LMTK3: variants seen among roughly 807,000 people sequenced by gnomAD.
LMTK3 encodes serine/threonine-protein kinase LMTK3.
In LMTK3, 27 loss-of-function variants were observed where a neutral mutation model predicts 116.7. The ratio of observed to expected loss-of-function variants is 0.23; its 90% CI spans 0.17 to 0.32. The LOEUF (loss-of-function observed/expected upper bound fraction) is 0.32, where lower values mean the gene tolerates loss of function less well. Among genes scored for constraint, LMTK3 ranks in the 10% least tolerant of loss-of-function variants. The pLI, the probability that LMTK3 is intolerant of heterozygous loss-of-function variation, is 1.00. For synonymous variants in LMTK3, 965 were observed against 971.0 expected (o/e 0.99, Z 0.11); for missense variants, 1,764 against 2,068.5 (o/e 0.85, Z 2.86).
In LMTK3 at chr19:48,485,631, GGGGAGT is replaced by G; in HGVS notation, c.*136_*141del. On this transcript the variant is annotated 3_prime_UTR_variant, in exon 15 of 15. Transcript: ENST00000600059. ...GGGGCCTCCCGTTTGGCACATGGTAGGGGAGTGGGAGGGGGAGGGCCCAGCCTCGGG... is the reference window on the plus strand; with the variant it reads ...GGGGCCTCCCGTTTGGCACATGGTAGGGGAGGGGGAGGGCCCAGCCTCGGG... 3.3e-6 allele frequency: 3 copies of G among 907,786 alleles called. No individual in the cohort carries two copies. Among genetic ancestry groups the G allele is most frequent in the Non-Finnish European group, 5.2e-6 (3 of 581,840 alleles). 56.2% of individuals were successfully genotyped at this position (907,786 alleles called of 1,614,324 possible).
At chr19:48,508,374 C>T (rs1477326718) in intron 5 of LMTK3, among the ~76,000 whole-genome samples, 1 of 152,076 alleles carries the variant, frequency 6.6e-6, no homozygotes, top group Non-Finnish European at 1.5e-5. Flanking sequence ...AAATGGATAC[C>T]TAGACCCCAT....
At chr19:48,495,152 G>A (rs1972303795) in intron 11 of LMTK3, among the ~76,000 whole-genome samples, 1 of 151,998 alleles carries the variant, frequency 6.6e-6, no homozygotes, top group Non-Finnish European at 1.5e-5. Context: ...TGGGATTACA[G>A]GTGCCTGCCC....
In LMTK3 at chr19:48,498,804, G is replaced by C. The variant is rs771710023; in HGVS notation, c.2265C>G (p.Pro755=). The C allele has an allele frequency of 9.1e-6, 11 of 1,214,176 alleles. 1 individual carries two copies. Among genetic ancestry groups the C allele is most frequent in the South Asian group, 4.0e-5 (2 of 50,008 alleles). 75.2% of individuals were successfully genotyped at this position (1,214,176 alleles called of 1,614,324 possible). Residue 755 remains proline (P), a synonymous_variant, in exon 11 of 15, where the codon CCC becomes CCG. Coordinates refer to ENST00000600059, the MANE Select transcript of LMTK3 (RefSeq NM_001388485.1). Reference sequence around the variant, plus strand: ...CGGGGGCCCGAGGAGGTGGCGGCGGGGGGGGGGGAGCGGGAGGTGGCCCCC... The same window carrying C: ...CGGGGGCCCGAGGAGGTGGCGGCGGCGGGGGGGGAGCGGGAGGTGGCCCCC... ...PGRGPPPAPP[P]PPPPPRAPAD...
chr19:48,486,120 C>G (rs375743417), intron 14 of LMTK3, among the ~76,000 whole-genome samples: 3 of 122,060 alleles, frequency 2.5e-5, no homozygotes, highest in East Asian at 2.6e-4. Context: ...AGTGCAGTGG[C>G]GCGATCTCGG....
In LMTK3 at chr19:48,501,273, T is replaced by C; in HGVS notation, c.1001+10A>G. 1 of 1,612,840 alleles carries C rather than the reference T, an allele frequency of 6.2e-7. No homozygotes were observed. The highest frequency in any genetic ancestry group is 8.5e-7 in the Non-Finnish European group (1 of 1,179,256). ...GGCCTGCCTCGGCCCCCGCGGCCCG[T>C]GGTCCTCACCAGATGTTGCTCTCGC... On this transcript the variant is annotated intron_variant, in intron 9 of 14. Transcript: ENST00000600059.
Position 48,498,476 on chromosome 19 carries a change from A to G in LMTK3, c.2593T>C (p.Ser865Pro). 6.2e-7 allele frequency: 1 copy of G among 1,600,822 alleles called. No homozygotes were observed. Among genetic ancestry groups the G allele is most frequent in the Non-Finnish European group, 8.5e-7 (1 of 1,173,782 alleles). ...TTCCTTGTCACATCCTCCCGCAGGG[A>G]CATCAGCAGCTGTTCCGTGCTCACT... Reference protein sequence around the residue: ...VQVSTEQLLMSLREDVTRNLL... With the variant: ...VQVSTEQLLMPLREDVTRNLL... Residue 865 changes from serine (S) to proline (P), a missense_variant, in exon 11 of 15, where the codon TCC becomes CCC. Ser to Pro is a moderately conservative substitution (Grantham distance 74, BLOSUM62 -1). Coordinates refer to ENST00000600059, the MANE Select transcript of LMTK3 (RefSeq NM_001388485.1).
At chr19:48,505,206 C>T (rs367702028) in intron 5 of LMTK3, among the ~76,000 whole-genome samples, 43 of 149,952 alleles carry the variant, frequency 2.9e-4, no homozygotes, top group Non-Finnish European at 4.7e-4. Flanking sequence ...CTCCATCTCC[C>T]GGGCTCCAGC....
At chr19:48,488,673 C>T (rs904924612) in intron 14 of LMTK3, among the ~76,000 whole-genome samples, 3 of 152,082 alleles carry the variant, frequency 2.0e-5, no homozygotes, top group African/African-American at 4.8e-5. Context: ...TCTGCCAGCA[C>T]GCCATCCCCT....
At position 48,493,884 on chromosome 19, in the gene LMTK3, C is replaced by G. The variant is rs1414788935; in HGVS notation, c.3902G>C (p.Arg1301Pro). 1 of 1,096,354 alleles carries G rather than the reference C, an allele frequency of 9.1e-7. No individual in the cohort carries two copies. The highest frequency in any genetic ancestry group is 5.6e-5 in the East Asian group (1 of 17,992). 67.9% of individuals were successfully genotyped at this position (1,096,354 alleles called of 1,614,324 possible). A position where few individuals can be genotyped will look rare whatever the true frequency, so the allele number is the denominator to read the frequency against. The change falls in exon 12 of 15, where the codon CGG (arginine) becomes CCG (proline). Residue 1301 changes from arginine (R) to proline (P), a missense_variant. By Grantham distance (103) the Arg-to-Pro change is moderately radical. Around this residue, in one of 7 missense-constraint regions of LMTK3, gnomAD observed 281 missense variants for 301.4 expected, o/e 0.93. Coordinates refer to ENST00000600059, the MANE Select transcript of LMTK3 (RefSeq NM_001388485.1). ...GGCTGCTCGCGCCCTCCCGGGGCCC[C>G]GCGGCCCCGCCGCCGCGCCCGGCGC... is the stretch of plus-strand genomic sequence containing the variant. ...AAAPGAAAGPRGPGRARAAPV... is the reference protein window; with the variant it reads ...AAAPGAAAGPPGPGRARAAPV...
At chr19:48,513,052 C>G (rs754534450), upstream of LMTK3, 262 of 1,071,190 alleles carry the variant, frequency 2.4e-4, 1 homozygote, top group Non-Finnish European at 3.1e-4. The surrounding 1 kb of genome is among the most constrained non-coding windows in gnomAD (Gnocchi z 5.6). Flanking sequence ...CATAAACACA[C>G]ACTGGCACAC....
At position 48,503,007 on chromosome 19, in the gene LMTK3, A is replaced by G. The variant is rs769539697; in HGVS notation, c.558-11T>C. Reference sequence around the variant, plus strand: ...GGGTGCTGCAGGCTCCTGTGGAGTGAGGAGGTGGCTGAGTTGGGAAGGCAG... The same window carrying G: ...GGGTGCTGCAGGCTCCTGTGGAGTGGGGAGGTGGCTGAGTTGGGAAGGCAG... On this transcript the variant is annotated splice_polypyrimidine_tract_variant and intron_variant, in intron 5 of 14. Transcript: ENST00000600059. 2 of 1,596,124 alleles carry G rather than the reference A, an allele frequency of 1.3e-6. 1 individual carries two copies. Among genetic ancestry groups the G allele is most frequent in the African/African-American group, 2.7e-5 (2 of 74,682 alleles).
chr19:48,513,054 C>G (rs984090314), upstream of LMTK3: 1 of 1,093,300 alleles, frequency 9.1e-7, no homozygotes, highest in African/African-American at 1.6e-5. This position sits in a 1 kb window ranked among gnomAD's most constrained non-coding sequence, Gnocchi z 5.6. Context: ...TAAACACACA[C>G]TGGCACACAT....
rs1483459982 is a variant in LMTK3 at position 48,511,528 on chromosome 19, C to T, written c.49G>A (p.Gly17Ser). The T allele has an allele frequency of 7.1e-7, 1 of 1,410,190 alleles. No homozygotes were observed. Among genetic ancestry groups the T allele is most frequent in the Admixed American group, 2.5e-5 (1 of 39,980 alleles). 87.4% of individuals were successfully genotyped at this position (1,410,190 alleles called of 1,614,324 possible). A position where few individuals can be genotyped will look rare whatever the true frequency, so the allele number is the denominator to read the frequency against. Residue 17 changes from glycine (G) to serine (S), a missense_variant, in exon 1 of 15, where the codon GGC (glycine) becomes AGC (serine). By Grantham distance (56) the Gly-to-Ser change is moderately conservative. Coordinates refer to ENST00000600059, the MANE Select transcript of LMTK3 (RefSeq NM_001388485.1). ...GGGTGGGCCGGGGACGCCAGGCAGC[C>T]GGAGGCGGAGACGGCCGCAAGGAGG... ...LILLAAVSAS[G>S]CLASPAHPDG...
Position 48,511,521 on chromosome 19 carries a change from A to C in LMTK3, c.56T>G (p.Leu19Arg), listed in dbSNP as rs748985255. 7.1e-7 allele frequency: 1 copy of C among 1,401,470 alleles called. No individual in the cohort carries two copies. Among genetic ancestry groups the C allele is most frequent in the East Asian group, 2.9e-5 (1 of 35,062 alleles). The allele number at this position is 1,401,470 out of a possible 1,614,324, so 86.8% of individuals were successfully genotyped here. The change falls in exon 1 of 15, where the codon CTG (leucine) becomes CGG (arginine). Residue 19 changes from leucine (L) to arginine (R), a missense_variant. This residue lies in a region of LMTK3 where 66 missense variants were observed against 61.1 expected (regional missense o/e 1.08). Transcript: ENST00000600059. ...LLAAVSASGCLASPAHPDGFA... is the reference protein window; with the variant it reads ...LLAAVSASGCRASPAHPDGFA... ...CTCACCGGGGTGGGCCGGGGACGCC[A>C]GGCAGCCGGAGGCGGAGACGGCCGC...
Position 48,499,226 on chromosome 19 carries a change from G to C in LMTK3, c.1843C>G (p.Arg615Gly). Residue 615 changes from arginine (R) to glycine (G), a missense_variant, in exon 11 of 15, where the codon CGG becomes GGG. Around this residue, in one of 7 missense-constraint regions of LMTK3, gnomAD observed 1,028 missense variants for 1,050.6 expected, o/e 0.98. Transcript: ENST00000600059. ...CCCGCCAGGGTCTCCCCGGCGCCCC[G>C]GCCCTCGGGGTCCCAGCCGCTCAGC... is the stretch of plus-strand genomic sequence containing the variant. ...FLLSGWDPEG[R>G]GAGETLAGDP... is the part of the protein sequence containing the mutation. The C allele has an allele frequency of 7.3e-7, 1 of 1,378,480 alleles. No homozygotes were observed. The highest frequency in any genetic ancestry group is 2.0e-4 in the Middle Eastern group (1 of 5,014). The allele number at this position is 1,378,480 out of a possible 1,614,324, so 85.4% of individuals were successfully genotyped here.
intron 5 of LMTK3, among the ~76,000 whole-genome samples, chr19:48,505,681 G>A (rs554157184): frequency 1.3e-5 from 2 of 151,972 alleles, no homozygotes; most frequent in African/African-American, 4.8e-5. Flanking sequence ...GGCCAACATA[G>A]TGAAACCCTG....
rs979714491 is a variant in LMTK3, at chr19:48,500,207, G to C, written c.1152-290C>G. Among the ~76,000 whole-genome samples the C allele has an allele frequency of 1.3e-5, 2 of 152,054 alleles. No homozygotes were observed. The highest frequency in any genetic ancestry group is 4.8e-5 in the African/African-American group (2 of 41,378). ...GGAGGCTGAGGCCGGTGGATCACCT[G>C]AGGTCAGGAGTTCAAGACCAGCCTG... is the stretch of plus-strand genomic sequence containing the variant. On this transcript the variant is annotated intron_variant, in intron 10 of 14. Coordinates refer to ENST00000600059, the MANE Select transcript of LMTK3 (RefSeq NM_001388485.1). This position sits in a 1 kb window ranked among gnomAD's most constrained non-coding sequence, Gnocchi z 4.0.
intron 12 of LMTK3, 110 bp downstream of exon 12, chr19:48,493,584 C>A: frequency 2.9e-6 from 4 of 1,372,366 alleles, no homozygotes; most frequent in South Asian, 1.5e-5. Flanking sequence ...CCGCCTCCCT[C>A]CAGGCCCCGC....
At position 48,500,763 on chromosome 19, in the gene LMTK3, G is replaced by A. The variant is rs559902175; in HGVS notation, c.1151+233C>T. 2.0e-5 allele frequency among the ~76,000 whole-genome samples: 3 copies of A among 152,342 alleles called. No homozygotes were observed. In the East Asian group the frequency reaches 5.8e-4, roughly 29 times the overall value. On this transcript the variant is annotated intron_variant, in intron 10 of 14. Coordinates refer to ENST00000600059, the MANE Select transcript of LMTK3 (RefSeq NM_001388485.1). The surrounding 1 kb of genome is among the most constrained non-coding windows in gnomAD (Gnocchi z 4.0). ...GTGAGCTCTGGAATCAGACAGGTAA[G>A]AAGCAGGGACCTCTTAGGGTGAAGT...
Sources: allele counts gnomAD v4.1 joint callset (sites outside exome capture counted in the v4.1 genomes callset), GRCh38; gene constraint gnomAD v4.1.1; regional missense constraint gnomAD v4.1.1; non-coding constraint Gnocchi (gnomAD v3.1); transcripts MANE v1.5; gene names NCBI Gene and HGNC (gene_info 2026-07-23, HGNC 2026-07-21).